The following ERICH1 variants were observed in gnomAD, a reference collection of about 807,000 sequenced individuals.
ERICH1 encodes the protein glutamate rich 1.
ERICH1 carries 56 observed loss-of-function variants against 39.6 expected under a neutral mutation model. The observed-to-expected ratio is 1.41, with a 90% confidence interval of 1.14 to 1.77. The LOEUF (loss-of-function observed/expected upper bound fraction) is 1.77, where lower values mean the gene tolerates loss of function less well. Among genes scored for constraint, ERICH1 ranks in the 40% most tolerant of loss-of-function variants. The probability of loss-of-function intolerance (pLI) is 0.00; values close to 1 mark genes in which losing one functional copy is unlikely to be tolerated. For missense variants in ERICH1, 826 were observed against 575.4 expected (o/e 1.44, Z -4.45); for synonymous variants, 313 against 223.6 (o/e 1.40, Z -3.57).
At chr8:634,553 C>T (rs1798278149) in intron 3 of ERICH1, among the ~76,000 whole-genome samples, 3 of 152,248 alleles carry the variant, frequency 2.0e-5, no homozygotes, top group Non-Finnish European at 4.4e-5. Flanking sequence ...GCACCTTCAA[C>T]AGCAGGTTTG....
intron 3 of ERICH1, among the ~76,000 whole-genome samples, chr8:658,665 C>T (rs1800986028): frequency 6.6e-6 from 1 of 152,162 alleles, no homozygotes; most frequent in African/African-American, 2.4e-5. Context: ...TCAGGGCGGT[C>T]CTGACCCAAT....
At position 616,480 on chromosome 8, in the gene ERICH1, C is replaced by T. The variant is rs1796904635; in HGVS notation, c.977-1196G>A. ...TTCAGCGCTGGCCAACAAACCCAGA[C>T]AGGTACGGCCAGAGCACTGCTCCCA... is the stretch of plus-strand genomic sequence containing the variant. On this transcript the variant is annotated intron_variant, in intron 3 of 3. Transcript: ENST00000522706. 3.7e-5 allele frequency: 17 copies of T among 454,944 alleles called. 1 individual carries two copies. Among genetic ancestry groups the T allele is most frequent in the South Asian group, 2.6e-4 (17 of 64,438 alleles). 28.2% of individuals were successfully genotyped at this position (454,944 alleles called of 1,614,324 possible). A position where few individuals can be genotyped will look rare whatever the true frequency, so the allele number is the denominator to read the frequency against.
chr8:636,527 C>A (rs562360197), intron 3 of ERICH1, among the ~76,000 whole-genome samples: 5 of 152,270 alleles, frequency 3.3e-5, no homozygotes, highest in African/African-American at 1.2e-4. Context: ...GTGGGCCCAA[C>A]AGAGTCTCCT....
intron 3 of ERICH1, among the ~76,000 whole-genome samples, chr8:624,508 A>G (rs992653780): frequency 1.3e-5 from 2 of 152,206 alleles, no homozygotes; most frequent in African/African-American, 4.8e-5. Context: ...GAACTGCTAT[A>G]AAGAACTACC....
chr8:702,540 G>T (rs1261183371), intron 2 of ERICH1, among the ~76,000 whole-genome samples: 2 of 152,208 alleles, frequency 1.3e-5, no homozygotes, highest in African/African-American at 2.4e-5. Flanking sequence ...AGACGGAAAA[G>T]TCTTGAACAG....
intron 3 of ERICH1, among the ~76,000 whole-genome samples, chr8:651,745 G>A (rs182483701): frequency 1.4e-5 from 2 of 146,036 alleles, no homozygotes; most frequent in Admixed American, 6.8e-5. Flanking sequence ...TGAGGGGAGA[G>A]AGAGGCTGAG....
At chr8:632,876 G>A (rs1287082070) in intron 3 of ERICH1, among the ~76,000 whole-genome samples, 5 of 152,220 alleles carry the variant, frequency 3.3e-5, no homozygotes, top group East Asian at 1.9e-4. Context: ...TGGAGACCAC[G>A]GATGCGGCTC....
chr8:715,118 G>A (rs1041901464), intron 2 of ERICH1, among the ~76,000 whole-genome samples: 1 of 151,516 alleles, frequency 6.6e-6, no homozygotes, highest in African/African-American at 2.4e-5. Context: ...ACATCCAGGT[G>A]GTCTCTTCCC....
intron 3 of ERICH1, among the ~76,000 whole-genome samples, chr8:619,624 CT>C (rs1797154057): frequency 6.6e-6 from 1 of 152,090 alleles, no homozygotes; most frequent in Non-Finnish European, 1.5e-5. Context: ...CATATACTTG[CT>C]CTCCTTTCTT....
chr8:683,654 C>T (rs1193951693), intron 3 of ERICH1, among the ~76,000 whole-genome samples: 1 of 152,186 alleles, frequency 6.6e-6, no homozygotes, highest in African/African-American at 2.4e-5. Flanking sequence ...CCAAATGGTA[C>T]TGAAAGACCA....
chr8:718,758 C>T (rs1487890883), intron 1 of ERICH1, among the ~76,000 whole-genome samples: 1 of 152,206 alleles, frequency 6.6e-6, no homozygotes, highest in Non-Finnish European at 1.5e-5. Context: ...GCTGGCACAG[C>T]GTGCAGGGAC....
intron 2 of ERICH1, among the ~76,000 whole-genome samples, chr8:711,176 G>C (rs1814644635): frequency 6.6e-6 from 1 of 152,120 alleles, no homozygotes; most frequent in Non-Finnish European, 1.5e-5. Context: ...CCACATCTTT[G>C]GCCCATTTTC....
At chr8:698,641 G>A (rs886254987) in intron 2 of ERICH1, among the ~76,000 whole-genome samples, 12 of 151,742 alleles carry the variant, frequency 7.9e-5, no homozygotes, top group African/African-American at 2.4e-4. Flanking sequence ...TTAGAGACAG[G>A]GTCTCACTCT....
chr8:665,402 A>G (rs1487135523), intron 5 of ERICH1, among the ~76,000 whole-genome samples: 1 of 152,158 alleles, frequency 6.6e-6, no homozygotes, highest in Non-Finnish European at 1.5e-5. Flanking sequence ...AGGTTTTACA[A>G]CTTGTCCGGG....
At chr8:664,820 G>C in intron 5 of ERICH1, 144 bp from the exon 6 acceptor site, 1 of 612,452 alleles carries the variant, frequency 1.6e-6, no homozygotes, top group Non-Finnish European at 2.8e-6. Context: ...TGAAACTGAT[G>C]TTGAAAGTGA....
At chr8:728,078 T>C (rs1430473274) in intron 1 of ERICH1, among the ~76,000 whole-genome samples, 2 of 152,136 alleles carry the variant, frequency 1.3e-5, no homozygotes, top group African/African-American at 2.4e-5. Flanking sequence ...CACCCCAGCA[T>C]CTGAGGATCG....
chr8:635,319 C>T (rs997584622), intron 3 of ERICH1, among the ~76,000 whole-genome samples: 3 of 152,332 alleles, frequency 2.0e-5, no homozygotes, highest in Non-Finnish European at 2.9e-5. Flanking sequence ...GCCCCCCACA[C>T]GGGTTTATCC....
intron 2 of ERICH1, among the ~76,000 whole-genome samples, chr8:702,336 C>T (rs544267496): frequency 3.3e-5 from 5 of 152,236 alleles, no homozygotes; most frequent in East Asian, 1.9e-4. Flanking sequence ...GAAACAAGAA[C>T]GCCGGCGAGT....
chr8:676,968 T>C (rs1471892603), intron 3 of ERICH1, among the ~76,000 whole-genome samples: 2 of 152,208 alleles, frequency 1.3e-5, no homozygotes, highest in Non-Finnish European at 2.9e-5. Context: ...TCCCTTCACC[T>C]CTGAAATGAG....
Sources: allele counts gnomAD v4.1 joint callset (sites outside exome capture counted in the v4.1 genomes callset), GRCh38; gene constraint gnomAD v4.1.1; transcripts MANE v1.5; gene names NCBI Gene and HGNC (gene_info 2026-07-23, HGNC 2026-07-21).